CRTC3: variants seen among roughly 807,000 people sequenced by gnomAD.
CRTC3 encodes the protein CREB-regulated transcription coactivator 3.
Under a neutral mutation model 74.5 loss-of-function variants are expected in CRTC3, and 26 were observed. That is an observed-to-expected ratio of 0.35 (90% CI 0.26 to 0.48). The LOEUF (loss-of-function observed/expected upper bound fraction) is 0.48, where lower values mean the gene tolerates loss of function less well. CRTC3 is among the 20% of genes least tolerant of loss of function. The pLI is 0.99. For missense variants in CRTC3, 760 were observed against 787.3 expected, an observed-to-expected ratio of 0.97 and a Z score of 0.41; for synonymous variants, 377 against 325.8, an observed-to-expected ratio of 1.16 and a Z score of -1.69.
chr15:90,558,518 A>G (rs80177634), intron 2 of CRTC3, among the ~76,000 whole-genome samples: 1,720 of 152,090 alleles, frequency 0.011, 33 homozygotes, highest in African/African-American at 0.039. Context: ...TGCCAGCCAC[A>G]CTGGCCTTTT....
chr15:90,628,094 G>A (rs766675861), intron 10 of CRTC3, among the ~76,000 whole-genome samples: 13 of 151,358 alleles, frequency 8.6e-5, no homozygotes, highest in Non-Finnish European at 1.9e-4. Flanking sequence ...GCACATGCCT[G>A]TAGTCCCAGC....
At chr15:90,601,846 G>C (rs1380799832) in intron 3 of CRTC3, among the ~76,000 whole-genome samples, 1 of 152,112 alleles carries the variant, frequency 6.6e-6, no homozygotes. Context: ...AGACCCCCAG[G>C]TTCAGACGGC....
At chr15:90,625,117 T>C (rs1968785967) in intron 9 of CRTC3, 1 of 152,960 alleles carries the variant, frequency 6.5e-6, no homozygotes, top group African/African-American at 2.4e-5. Flanking sequence ...GGTTTGTTCA[T>C]TTGATTTATA....
At chr15:90,533,365 G>A (rs1236867631) in intron 1 of CRTC3, among the ~76,000 whole-genome samples, 15 of 149,802 alleles carry the variant, frequency 1.0e-4, no homozygotes, top group Non-Finnish European at 1.5e-5. Flanking sequence ...AGCTTGCAGT[G>A]AGCCGAGATC....
Position 90,530,309 on chromosome 15 carries a change from G to A in CRTC3, c.132+106G>A. ...AAGGCGATGGCGGGGCCGGGCGGGG[G>A]CCGCGCCCGGGAACCGGCGGCTGGG... On this transcript the variant is annotated intron_variant, in intron 1 of 14. Transcript: ENST00000268184. The surrounding 1 kb of genome is among the most constrained non-coding windows in gnomAD (Gnocchi z 6.2). 1.5e-6 allele frequency: 1 copy of A among 666,772 alleles called. No individual in the cohort carries two copies. The highest frequency in any genetic ancestry group is 1.9e-6 in the Non-Finnish European group (1 of 538,562). 41.3% of individuals were successfully genotyped at this position (666,772 alleles called of 1,614,324 possible).
intron 6 of CRTC3, among the ~76,000 whole-genome samples, chr15:90,611,835 G>A (rs1968361894): frequency 6.6e-6 from 1 of 151,942 alleles, no homozygotes; most frequent in African/African-American, 2.4e-5. Flanking sequence ...CTCCTACTCT[G>A]CTGCAAGAGC....
chr15:90,541,841 A>T (rs1469687394), intron 2 of CRTC3, among the ~76,000 whole-genome samples: 3 of 136,518 alleles, frequency 2.2e-5, no homozygotes, highest in Non-Finnish European at 4.6e-5. Flanking sequence ...GCAGGAGTGC[A>T]GTAGTGCAAT....
chr15:90,614,427 T>C, intron 6 of CRTC3, 26 bp from the exon 7 acceptor site: 2 of 1,572,846 alleles, frequency 1.3e-6, no homozygotes, highest in Non-Finnish European at 1.7e-6. Flanking sequence ...AAGTGTTTTC[T>C]TTTTTTCTTT....
chr15:90,617,341 G>A (rs1968520187), intron 7 of CRTC3, among the ~76,000 whole-genome samples: 1 of 152,306 alleles, frequency 6.6e-6, no homozygotes, highest in Middle Eastern at 3.4e-3. Flanking sequence ...TTCGTGAAAG[G>A]TTGAATCCAT....
chr15:90,607,933 T>C (rs1968266961), intron 6 of CRTC3, among the ~76,000 whole-genome samples: 1 of 152,158 alleles, frequency 6.6e-6, no homozygotes, highest in African/African-American at 2.4e-5. Flanking sequence ...TGACTGTCTC[T>C]GTAGGTTGGT....
intron 2 of CRTC3, among the ~76,000 whole-genome samples, chr15:90,547,700 C>T (rs1966846706): frequency 6.6e-6 from 1 of 152,048 alleles, no homozygotes; most frequent in African/African-American, 2.4e-5. Flanking sequence ...AGGAAGTGGG[C>T]ATTATCTTCT....
intron 10 of CRTC3, among the ~76,000 whole-genome samples, chr15:90,629,019 C>A (rs950531413): frequency 1.3e-5 from 2 of 152,138 alleles, no homozygotes; most frequent in African/African-American, 4.8e-5. Flanking sequence ...GGGAAAACAT[C>A]GTTGTCATCT....
chr15:90,610,329 C>T (rs1320048820), intron 6 of CRTC3, among the ~76,000 whole-genome samples: 3 of 152,192 alleles, frequency 2.0e-5, no homozygotes. Flanking sequence ...TCTTCTTTCC[C>T]TGGGAATCTC....
At chr15:90,637,498 A>G (rs556927360) in intron 11 of CRTC3, among the ~76,000 whole-genome samples, 68 of 152,368 alleles carry the variant, frequency 4.5e-4, no homozygotes, top group African/African-American at 1.6e-3. Flanking sequence ...GCACGTGTAT[A>G]CATATGTAAC....
chr15:90,638,622 A>C lies in CRTC3; in HGVS notation c.1443A>C (p.Ser481=). The C allele has an allele frequency of 6.2e-7, 1 of 1,613,560 alleles. No homozygotes were observed. Among genetic ancestry groups the C allele is most frequent in the Non-Finnish European group, 8.5e-7 (1 of 1,179,994 alleles). Residue 481 remains serine (S), a synonymous_variant, in exon 12 of 15, where the codon TCA becomes TCC. Coordinates refer to ENST00000268184, the MANE Select transcript of CRTC3 (RefSeq NM_022769.5). ...QPQAASSLPQ[S]DFQLLPAQGS... is the part of the protein sequence containing the mutation. ...AGGCAGCCTCCTCACTGCCACAGTC[A>C]GACTTTCAGCTTCTCCCGGCCCAGG...
At position 90,642,466 on chromosome 15, in the gene CRTC3, TG is replaced by T. The variant is rs1277042346; in HGVS notation, c.*327del. On this transcript the variant is annotated 3_prime_UTR_variant, in exon 15 of 15. Transcript: ENST00000268184. ...CGATGTGTAAGAGTAGGAAATACTG[TG>T]TCACTGGAGGCCTCCGTAGCATTGT... 15 of 442,360 alleles carry T rather than the reference TG, an allele frequency of 3.4e-5. No individual in the cohort carries two copies. The highest frequency in any genetic ancestry group is 2.7e-4 in the African/African-American group (14 of 51,170). The allele number at this position is 442,360 out of a possible 1,614,324, so 27.4% of individuals were successfully genotyped here.
At chr15:90,580,988 C>T (rs1341812014) in intron 2 of CRTC3, among the ~76,000 whole-genome samples, 1 of 152,204 alleles carries the variant, frequency 6.6e-6, no homozygotes, top group African/African-American at 2.4e-5. Flanking sequence ...TGGGCAGATT[C>T]TCCCAAGAGA....
At chr15:90,543,624 A>G (rs1419281493) in intron 2 of CRTC3, among the ~76,000 whole-genome samples, 1 of 152,168 alleles carries the variant, frequency 6.6e-6, no homozygotes, top group Non-Finnish European at 1.5e-5. Context: ...TGATCTTCAC[A>G]TTCTCCCCAA....
At chr15:90,540,816 C>T (rs1966790597) in intron 2 of CRTC3, among the ~76,000 whole-genome samples, 1 of 151,834 alleles carries the variant, frequency 6.6e-6, no homozygotes, top group East Asian at 1.9e-4. Flanking sequence ...CCAATATATC[C>T]AAAATATGAT....
Sources: allele counts gnomAD v4.1 joint callset (sites outside exome capture counted in the v4.1 genomes callset), GRCh38; gene constraint gnomAD v4.1.1; non-coding constraint Gnocchi (gnomAD v3.1); transcripts MANE v1.5; gene names NCBI Gene and HGNC (gene_info 2026-07-23, HGNC 2026-07-21).